The following SPATA33 variants were observed in gnomAD, a reference collection of about 807,000 sequenced individuals.
The protein encoded by SPATA33 is spermatogenesis associated 33.
SPATA33 carries 10 observed loss-of-function variants against 8.9 expected under a neutral mutation model. That is an observed-to-expected ratio of 1.12 (90% CI 0.69 to 1.90). The LOEUF (loss-of-function observed/expected upper bound fraction) is 1.90. Among genes scored for constraint, SPATA33 ranks in the 40% most tolerant of loss-of-function variants. SPATA33 has a pLI of 0.00. For synonymous variants in SPATA33, 96 were observed against 72.8 expected, an observed-to-expected ratio of 1.32 and a Z score of -1.63; for missense variants, 241 against 178.3, an observed-to-expected ratio of 1.35 and a Z score of -2.00.
intron 2 of SPATA33, chr16:89,660,590 C>A (rs570805992): frequency 4.0e-5 from 49 of 1,211,528 alleles, no homozygotes; most frequent in Non-Finnish European, 5.0e-5. Context: ...CTTGCCACAC[C>A]GTGAAGGAGT....
chr16:89,660,580 C>T, intron 2 of SPATA33: 1 of 1,226,232 alleles, frequency 8.2e-7, no homozygotes. Context: ...TGCTGACTCC[C>T]TTGCCACACC....
chr16:89,658,522 A>G (rs937397942), intron 2 of SPATA33, 101 bp downstream of exon 2: 20 of 1,423,748 alleles, frequency 1.4e-5, no homozygotes, highest in Non-Finnish European at 1.9e-5. Context: ...GGACACTAGT[A>G]GCAGGCACGC....
upstream of SPATA33, chr16:89,657,813 C>T (rs1452631944): frequency 4.7e-6 from 7 of 1,493,322 alleles, no homozygotes; most frequent in East Asian, 5.5e-5. Context: ...TGGTGACGCA[C>T]GCCGCTGGCG....
intron 2 of SPATA33, among the ~76,000 whole-genome samples, chr16:89,664,263 A>T (rs1382958419): frequency 6.6e-6 from 1 of 152,250 alleles, no homozygotes; most frequent in African/African-American, 2.4e-5. Context: ...GCCAAAGAAT[A>T]TCAGTTGACT....
At chr16:89,662,617 A>G (rs2010623) in intron 2 of SPATA33, among the ~76,000 whole-genome samples, 71,374 of 151,554 alleles carry the variant, frequency 0.47, 17,432 homozygotes, top group South Asian at 0.61. Flanking sequence ...AGTAGAGATG[A>G]GGTTTCGCCA....
At chr16:89,665,480 ATT>A (rs1555513075) in intron 2 of SPATA33, among the ~76,000 whole-genome samples, 3 of 137,428 alleles carry the variant, frequency 2.2e-5, no homozygotes, top group African/African-American at 2.8e-5. Flanking sequence ...AATTTTTTGT[ATT>A]TTTTTTTTTT....
In SPATA33 at chr16:89,669,136, A is replaced by G. The variant is rs2060064299; in HGVS notation, c.212-150A>G. On this transcript the variant is annotated intron_variant, in intron 2 of 2. Coordinates refer to ENST00000579310, the MANE Select transcript of SPATA33 (RefSeq NM_001271907.2). ...ACATCCCTTAAGCCCTGTAATGTTCATGGACAGTTTTGATCACTTTTGGAC... is the reference window on the plus strand; with the variant it reads ...ACATCCCTTAAGCCCTGTAATGTTCGTGGACAGTTTTGATCACTTTTGGAC... 1.4e-5 allele frequency: 10 copies of G among 695,234 alleles called. No homozygotes were observed. In the South Asian group the frequency reaches 1.7e-4, roughly 12 times the overall value. The allele number at this position is 695,234 out of a possible 1,614,324, so 43.1% of individuals were successfully genotyped here.
intron 2 of SPATA33, chr16:89,661,012 A>G (rs2059959328): frequency 3.0e-6 from 3 of 991,562 alleles, no homozygotes; most frequent in Non-Finnish European, 2.4e-6. Context: ...CATGCCTCCA[A>G]CTGCCTGGAC....
At chr16:89,662,137 C>T (rs945260887) in intron 2 of SPATA33, among the ~76,000 whole-genome samples, 5 of 151,680 alleles carry the variant, frequency 3.3e-5, no homozygotes, top group Non-Finnish European at 7.4e-5. Context: ...ACAAAAAATA[C>T]AAAAAAATTA....
At chr16:89,668,722 C>T (rs997839816) in intron 2 of SPATA33, among the ~76,000 whole-genome samples, 7 of 152,328 alleles carry the variant, frequency 4.6e-5, no homozygotes, top group Middle Eastern at 6.8e-3. Flanking sequence ...AAGGGGCGGC[C>T]GGCCAGCCAG....
chr16:89,662,096 A>G (rs1245604320), intron 2 of SPATA33, among the ~76,000 whole-genome samples: 1 of 152,154 alleles, frequency 6.6e-6, no homozygotes, highest in East Asian at 1.9e-4. Flanking sequence ...GTTCGAGACC[A>G]GCATGGCCAA....
At chr16:89,669,142 A>G (rs569662487) in intron 2 of SPATA33, 144 bp from the exon 3 acceptor site, 7 of 709,324 alleles carry the variant, frequency 9.9e-6, no homozygotes, top group East Asian at 2.7e-5. Flanking sequence ...GTTCATGGAC[A>G]GTTTTGATCA....
intron 1 of SPATA33, 143 bp downstream of exon 1, chr16:89,658,091 G>A: frequency 6.7e-7 from 1 of 1,482,044 alleles, no homozygotes; most frequent in South Asian, 1.4e-5. Flanking sequence ...AGTCCGCCAC[G>A]GACGGCGCGT....
chr16:89,669,001 C>A (rs1356168024), intron 2 of SPATA33, among the ~76,000 whole-genome samples: 2 of 152,182 alleles, frequency 1.3e-5, no homozygotes. Flanking sequence ...CTCCCTCCTT[C>A]CTTTGCTGGT....
chr16:89,661,654 C>T (rs1310893606), intron 2 of SPATA33: 1 of 152,070 alleles, frequency 6.6e-6, no homozygotes, highest in African/African-American at 2.4e-5. Flanking sequence ...AGAGAACTAA[C>T]ATCACAGATT....
upstream of SPATA33, chr16:89,657,831 CTT>C: frequency 6.6e-7 from 1 of 1,513,398 alleles, no homozygotes; most frequent in Non-Finnish European, 8.8e-7. Context: ...GCGCGAGGAC[CTT>C]TTGTGAGTCG....
In SPATA33 at chr16:89,657,857, G is replaced by A. The variant is rs936228584; in HGVS notation, c.-55G>A. 7 of 1,509,642 alleles carry A rather than the reference G, an allele frequency of 4.6e-6. No individual in the cohort carries two copies. Among genetic ancestry groups the A allele is most frequent in the Admixed American group, 2.1e-5 (1 of 47,014 alleles). The allele number at this position is 1,509,642 out of a possible 1,614,324, so 93.5% of individuals were successfully genotyped here. A position where few individuals can be genotyped will look rare whatever the true frequency, so the allele number is the denominator to read the frequency against. On this transcript the variant is annotated 5_prime_UTR_variant, in exon 1 of 3. Transcript: ENST00000579310. The stretch of plus-strand genomic sequence containing the variant: ...TTTTGTGAGTCGCTCCCGGCTCCGC[G>A]GCCGCGGAGGTGTGGGGACCCGGGC...
chr16:89,667,288 G>T (rs1457014444), intron 2 of SPATA33, among the ~76,000 whole-genome samples: 1 of 152,126 alleles, frequency 6.6e-6, no homozygotes, highest in African/African-American at 2.4e-5. Flanking sequence ...TTCTCACCAT[G>T]TCCCCCCAGC....
chr16:89,658,862 G>C (rs2059924786), intron 2 of SPATA33: 1 of 179,708 alleles, frequency 5.6e-6, no homozygotes, highest in Admixed American at 5.4e-5. Flanking sequence ...ACCTGGGTGC[G>C]ACAAAGGTGT....
Sources: gnomAD v4.1 joint callset for allele counts (sites outside exome capture counted in the v4.1 genomes callset) on GRCh38, gnomAD v4.1.1 for gene constraint, MANE v1.5 for transcripts, NCBI Gene and HGNC (gene_info 2026-07-23, HGNC 2026-07-21) for gene names.